The following GTPBP2 variants were observed in gnomAD, a reference collection of about 807,000 sequenced individuals.
GTPBP2 encodes the protein GTP-binding protein 2.
In GTPBP2, 32 loss-of-function variants were observed where a neutral mutation model predicts 63.0. That is an observed-to-expected ratio of 0.51 (90% CI 0.38 to 0.68). The LOEUF is 0.68. Ranked by LOEUF, GTPBP2 falls within the 30% of genes least tolerant of loss-of-function variation. The pLI, the probability that GTPBP2 is intolerant of heterozygous loss-of-function variation, is 0.00. For synonymous variants in GTPBP2, 310 were observed against 322.6 expected (o/e 0.96, Z 0.42); for missense variants, 492 against 796.9 (o/e 0.62, Z 4.61).
At chr6:43,629,440 G>T, upstream of GTPBP2, 1 of 565,572 alleles carries the variant, frequency 1.8e-6, no homozygotes, top group Non-Finnish European at 3.1e-6. Context: ...CGCGGGAGTC[G>T]TCGGAGGCGT....
At chr6:43,627,373 C>T in intron 1 of GTPBP2, 1 of 991,104 alleles carries the variant, frequency 1.0e-6, no homozygotes, top group Non-Finnish European at 1.2e-6. Context: ...TCCCTGCCTG[C>T]CCCTTTCAGC....
In GTPBP2 at chr6:43,622,084, G is replaced by A. The variant is rs41281828; in HGVS notation, c.1551C>T (p.Thr517=). The A allele has an allele frequency of 6.7e-5, 108 of 1,614,024 alleles. No individual in the cohort carries two copies. Among genetic ancestry groups the A allele is most frequent in the Non-Finnish European group, 8.4e-5 (99 of 1,179,938 alleles). The change falls in exon 11 of 12, where the codon ACC becomes ACT. Residue 517 remains threonine (T), a synonymous_variant. Coordinates refer to ENST00000307126, the MANE Select transcript of GTPBP2 (RefSeq NM_019096.5). This position sits in a 1 kb window ranked among gnomAD's most constrained non-coding sequence, Gnocchi z 5.4. ...EAEIVLLFHA[T]TFRRGFQVTV... is the part of the protein sequence containing the mutation. ...TCACCTGGAATCCTCGTCGGAAGGT[G>A]GTGGCATGGAACAGTAAGACTATCT...
chr6:43,627,964 G>A (rs771951597), intron 1 of GTPBP2, among the ~76,000 whole-genome samples: 2 of 152,180 alleles, frequency 1.3e-5, no homozygotes, highest in Non-Finnish European at 2.9e-5. Flanking sequence ...CTAGGGCCCA[G>A]ACCAATGGTT....
Position 43,624,444 on chromosome 6 carries a change from T to C in GTPBP2, c.1100+66A>G. 2 of 1,188,250 alleles carry C rather than the reference T, an allele frequency of 1.7e-6. No individual in the cohort carries two copies. The highest frequency in any genetic ancestry group is 2.5e-6 in the Non-Finnish European group (2 of 807,038). The allele number at this position is 1,188,250 out of a possible 1,614,324, so 73.6% of individuals were successfully genotyped here. On this transcript the variant is annotated intron_variant, in intron 7 of 11. Coordinates refer to ENST00000307126, the MANE Select transcript of GTPBP2 (RefSeq NM_019096.5). The surrounding 1 kb of genome is among the most constrained non-coding windows in gnomAD (Gnocchi z 5.1). ...GCCCTGGAGAAGTAGGATATCATGCTTCTGGGCCCTGGGCTCTGTGGCAGC... is the reference window on the plus strand; with the variant it reads ...GCCCTGGAGAAGTAGGATATCATGCCTCTGGGCCCTGGGCTCTGTGGCAGC...
intron 1 of GTPBP2, chr6:43,628,554 A>C (rs1313515568): frequency 2.0e-6 from 2 of 982,254 alleles, no homozygotes; most frequent in African/African-American, 3.5e-5. Flanking sequence ...GTCCGTGTGG[A>C]ACATATTGCT....
In GTPBP2 at chr6:43,625,083, C is replaced by G; in HGVS notation, c.706-21G>C. 6.2e-7 allele frequency: 1 copy of G among 1,610,568 alleles called. No homozygotes were observed. Among genetic ancestry groups the G allele is most frequent in the African/African-American group, 1.3e-5 (1 of 75,002 alleles). ...ACCACCTGGCCCAGGGCCCAGGGCCCTCAGTGCCTCCTGCCAGCCCTTCCA... is the reference window on the plus strand; with the variant it reads ...ACCACCTGGCCCAGGGCCCAGGGCCGTCAGTGCCTCCTGCCAGCCCTTCCA... On this transcript the variant is annotated intron_variant, in intron 5 of 11. Coordinates refer to ENST00000307126, the MANE Select transcript of GTPBP2 (RefSeq NM_019096.5). This position sits in a 1 kb window ranked among gnomAD's most constrained non-coding sequence, Gnocchi z 5.1.
rs374054215 is a variant in GTPBP2 at position 43,625,096 on chromosome 6, G to A, written c.706-34C>T. On this transcript the variant is annotated intron_variant, in intron 5 of 11. Coordinates refer to ENST00000307126, the MANE Select transcript of GTPBP2 (RefSeq NM_019096.5). This position sits in a 1 kb window ranked among gnomAD's most constrained non-coding sequence, Gnocchi z 5.1. The stretch of plus-strand genomic sequence containing the variant: ...GGGCCCAGGGCCCTCAGTGCCTCCT[G>A]CCAGCCCTTCCAACCCCTTCAGAGT... The A allele has an allele frequency of 5.7e-5, 91 of 1,603,352 alleles. No individual in the cohort carries two copies. The highest frequency in any genetic ancestry group is 7.2e-5 in the Non-Finnish European group (85 of 1,173,256).
In GTPBP2 at chr6:43,624,988, G is replaced by A. The variant is rs1769180465; in HGVS notation, c.780C>T (p.Asp260=). The part of the protein sequence containing the change: ...ESSSKMITFI[D]LAGHHKYLHT... ...GTAGGTACTTATGGTGGCCTGCCAG[G>A]TCGATGAAGGTGATCATCTTGGAGC... The change falls in exon 6 of 12, where the codon GAC becomes GAT. Residue 260 remains aspartate, a synonymous_variant. Transcript: ENST00000307126. The surrounding 1 kb of genome is among the most constrained non-coding windows in gnomAD (Gnocchi z 5.1). The A allele has an allele frequency of 6.2e-7, 1 of 1,613,964 alleles. No homozygotes were observed. Among genetic ancestry groups the A allele is most frequent in the South Asian group, 1.1e-5 (1 of 91,072 alleles).
intron 9 of GTPBP2, chr6:43,623,241 A>G (rs1195974832): frequency 5.6e-6 from 1 of 179,770 alleles, no homozygotes; most frequent in African/African-American, 2.4e-5. Flanking sequence ...AAAATACAAA[A>G]ATTAGCCGGG....
chr6:43,629,048 G>GC lies in GTPBP2; in HGVS notation c.114dup (p.Pro39AlafsTer26), dbSNP rs755653236. ...CTTCCGTTCTTCTTCTTTCCCTTTG[G>GC]CCCCCCGCAGCCGCTGCTGCTGCCG... On this transcript the variant is annotated frameshift_variant, in exon 1 of 12. Coordinates refer to ENST00000307126, the MANE Select transcript of GTPBP2 (RefSeq NM_019096.5). LOFTEE classifies it high-confidence loss of function. The GC allele has an allele frequency of 6.2e-7, 1 of 1,610,554 alleles. No homozygotes were observed.
chr6:43,622,467 G>A lies in GTPBP2; in HGVS notation c.1467+166C>T, dbSNP rs977087285. 2.0e-5 allele frequency among the ~76,000 whole-genome samples: 3 copies of A among 152,124 alleles called. No homozygotes were observed. The highest frequency in any genetic ancestry group is 6.5e-5 in the Admixed American group (1 of 15,270). On this transcript the variant is annotated intron_variant, in intron 10 of 11. Transcript: ENST00000307126. The surrounding 1 kb of genome is among the most constrained non-coding windows in gnomAD (Gnocchi z 5.4). ...TTAGTTATCTGTACCTCATGAGTAC[G>A]TTAAGCTGTTTTTATAGTCTACGTA...
chr6:43,626,985 C>T lies in GTPBP2; in HGVS notation c.187-37G>A. 1 of 1,565,882 alleles carries T rather than the reference C, an allele frequency of 6.4e-7. No homozygotes were observed. Among genetic ancestry groups the T allele is most frequent in the Non-Finnish European group, 8.7e-7 (1 of 1,144,760 alleles). On this transcript the variant is annotated intron_variant, in intron 1 of 11. Transcript: ENST00000307126. This position sits in a 1 kb window ranked among gnomAD's most constrained non-coding sequence, Gnocchi z 4.0. ...CAGTGAGCAGTTACCATACACTGTA[C>T]AGACCCAATCCCTACTTCCCCTCAA...
chr6:43,623,696 G>C (rs779920612), intron 9 of GTPBP2, 41 bp downstream of exon 9: 1 of 1,467,792 alleles, frequency 6.8e-7, no homozygotes, highest in South Asian at 1.1e-5. Flanking sequence ...GAGTATATAG[G>C]TGAGGGCTGA....
At chr6:43,630,908 CAAAAAAAAAAA>C (rs753239311), upstream of GTPBP2, among the ~76,000 whole-genome samples, 2 of 53,624 alleles carry the variant, frequency 3.7e-5, no homozygotes, top group Admixed American at 2.0e-4. Flanking sequence ...GACTTCGTCT[CAAAAAAAAAAA>C]AAAAAAAAAA....
chr6:43,629,876 T>C (rs1236486243), upstream of GTPBP2: 5 of 1,377,276 alleles, frequency 3.6e-6, no homozygotes, highest in African/African-American at 5.8e-5. Flanking sequence ...ACTGCTTTAT[T>C]ACCAGGCTGG....
In GTPBP2 at chr6:43,624,385, G is replaced by A. The variant is rs1769119335; in HGVS notation, c.1100+125C>T. 2 of 748,000 alleles carry A rather than the reference G, an allele frequency of 2.7e-6. No individual in the cohort carries two copies. Among genetic ancestry groups the A allele is most frequent in the African/African-American group, 1.7e-5 (1 of 58,086 alleles). 46.3% of individuals were successfully genotyped at this position (748,000 alleles called of 1,614,324 possible). A position where few individuals can be genotyped will look rare whatever the true frequency, so the allele number is the denominator to read the frequency against. On this transcript the variant is annotated intron_variant, in intron 7 of 11. Transcript: ENST00000307126. The surrounding 1 kb of genome is among the most constrained non-coding windows in gnomAD (Gnocchi z 5.1). ...AGATGCCCCTCCACAATCCCAAGCTGAAACACCCGCAGAACTAAGCCAGAA... is the reference window on the plus strand; with the variant it reads ...AGATGCCCCTCCACAATCCCAAGCTAAAACACCCGCAGAACTAAGCCAGAA...
chr6:43,630,582 A>G (rs1303120648), upstream of GTPBP2, among the ~76,000 whole-genome samples: 2 of 152,072 alleles, frequency 1.3e-5, no homozygotes, highest in Non-Finnish European at 2.9e-5. Context: ...GTCTCTACTA[A>G]AAATACAAAA....
rs1769162148 is a variant in GTPBP2, at chr6:43,624,799, G to A, written c.881-70C>T. On this transcript the variant is annotated intron_variant, in intron 6 of 11. Transcript: ENST00000307126. This position sits in a 1 kb window ranked among gnomAD's most constrained non-coding sequence, Gnocchi z 5.1. ...GCAGGAGGGAGGAGAGGGAAGAAGAGGAGCATTGGTCTGTCTCCAAGATTT... is the reference window on the plus strand; with the variant it reads ...GCAGGAGGGAGGAGAGGGAAGAAGAAGAGCATTGGTCTGTCTCCAAGATTT... The A allele has an allele frequency of 1.3e-6, 2 of 1,584,792 alleles. No individual in the cohort carries two copies. The highest frequency in any genetic ancestry group is 1.7e-5 in the Admixed American group (1 of 59,944).
upstream of GTPBP2, chr6:43,629,752 G>T: frequency 6.4e-7 from 1 of 1,556,126 alleles, no homozygotes; most frequent in Non-Finnish European, 8.7e-7. Flanking sequence ...CTTCCCCTAT[G>T]GCCCGCGTGC....
Sources: allele counts gnomAD v4.1 joint callset (sites outside exome capture counted in the v4.1 genomes callset), GRCh38; gene constraint gnomAD v4.1.1; non-coding constraint Gnocchi (gnomAD v3.1); transcripts MANE v1.5; gene names NCBI Gene and HGNC (gene_info 2026-07-23, HGNC 2026-07-21).